CCDC191: variants seen among roughly 807,000 people sequenced by gnomAD.
CCDC191 encodes coiled-coil domain-containing protein 191.
Under a neutral mutation model 114.0 loss-of-function variants are expected in CCDC191, and 99 were observed. The observed-to-expected ratio is 0.87, with a 90% CI of 0.74 to 1.03. The LOEUF is 1.03. Among genes scored for constraint, CCDC191 ranks in the 50% least tolerant of loss-of-function variants. The probability of loss-of-function intolerance (pLI) is 0.00; values close to 1 mark genes in which losing one functional copy is unlikely to be tolerated. For synonymous variants in CCDC191, 351 were observed against 376.0 expected (o/e 0.93, Z 0.77); for missense variants, 973 against 1,087.0 (o/e 0.90, Z 1.47).
intron 6 of CCDC191, among the ~76,000 whole-genome samples, chr3:114,034,374 T>C (rs913009882): frequency 1.1e-4 from 16 of 152,206 alleles, no homozygotes; most frequent in African/African-American, 3.9e-4. Flanking sequence ...GGCCTGCTGC[T>C]GATGATACAG....
At position 114,005,712 on chromosome 3, in the gene CCDC191, C is replaced by CG; in HGVS notation, c.1663dup (p.Arg555ProfsTer10). The CG allele has an allele frequency of 6.2e-7, 1 of 1,614,038 alleles. No individual in the cohort carries two copies. Among genetic ancestry groups the CG allele is most frequent in the Non-Finnish European group, 8.5e-7 (1 of 1,179,968 alleles). ...AATCAGCTGTTGCTGGAAGACATGG[C>CG]GGTTGTGGAAATGACCCAAGCAAAG... On this transcript the variant is annotated frameshift_variant, in exon 10 of 17. Transcript: ENST00000295878. LOFTEE classifies it high-confidence loss of function.
intron 1 of CCDC191, among the ~76,000 whole-genome samples, chr3:114,056,153 C>A (rs982194413): frequency 6.6e-6 from 1 of 152,142 alleles, no homozygotes; most frequent in African/African-American, 2.4e-5. Flanking sequence ...AAAAGCGTTA[C>A]AAACAGTTCT....
Position 114,042,711 on chromosome 3 carries a change from T to C in CCDC191, c.407A>G (p.Lys136Arg), listed in dbSNP as rs202171733. ...ATCAGGTAAGTTCTTACCATCAAAC[T>C]TGTCATATTTCAAATGGCCATTGGC... Reference protein sequence around the residue: ...PEANGHLKYDKFDDLCGYLEE... With the variant: ...PEANGHLKYDRFDDLCGYLEE... Residue 136 changes from lysine (K) to arginine (R), a missense_variant, in exon 4 of 17, where the codon AAG becomes AGG. By Grantham distance (26) the Lys-to-Arg change is conservative (BLOSUM62 2). Coordinates refer to ENST00000295878, the MANE Select transcript of CCDC191 (RefSeq NM_020817.2). 9.8e-5 allele frequency: 154 copies of C among 1,578,046 alleles called. No individual in the cohort carries two copies. The highest frequency in any genetic ancestry group is 1.4e-4 in the Admixed American group (7 of 51,652).
chr3:114,056,305 C>T (rs1376145828), intron 1 of CCDC191, 72 bp downstream of exon 1: 7 of 1,458,488 alleles, frequency 4.8e-6, no homozygotes, highest in Non-Finnish European at 6.7e-6. Flanking sequence ...CACAGACGGG[C>T]CGCGACTGGC....
chr3:114,041,881 C>T (rs1253580705), intron 4 of CCDC191, among the ~76,000 whole-genome samples: 3 of 151,684 alleles, frequency 2.0e-5, no homozygotes, highest in Non-Finnish European at 1.5e-5. Flanking sequence ...GCTCTGTGCA[C>T]AGTAGTGGTT....
chr3:114,044,624 G>A lies in CCDC191; in HGVS notation c.272-1778C>T, dbSNP rs116252764. On this transcript the variant is annotated intron_variant, in intron 3 of 16. Coordinates refer to ENST00000295878, the MANE Select transcript of CCDC191 (RefSeq NM_020817.2). ...AAGCATACTAGCAACAAATGCCATT[G>A]GCTTTCAGGGGAAGGTAGAGAAAGG... Among the ~76,000 whole-genome samples the A allele has an allele frequency of 7.7e-3, 1,175 of 152,350 alleles. 5 individuals are homozygous for A. The highest frequency in any genetic ancestry group is 0.012 in the Non-Finnish European group (785 of 68,034).
intron 13 of CCDC191, among the ~76,000 whole-genome samples, chr3:113,986,860 G>T (rs2075378513): frequency 6.6e-6 from 1 of 152,092 alleles, no homozygotes; most frequent in Non-Finnish European, 1.5e-5. Context: ...ACTGTATGAG[G>T]ACACAGTGAG....
intron 2 of CCDC191, among the ~76,000 whole-genome samples, chr3:114,051,777 G>T (rs553108132): frequency 3.3e-5 from 5 of 152,040 alleles, no homozygotes; most frequent in Non-Finnish European, 7.4e-5. Context: ...TGAAGTCTTC[G>T]GTCCAGAGGT....
chr3:114,003,529 A>G, intron 11 of CCDC191: 1 of 985,374 alleles, frequency 1.0e-6, no homozygotes, highest in Non-Finnish European at 1.2e-6. Flanking sequence ...CTCTGGTAAT[A>G]TGCCCTTTGC....
At chr3:114,023,261 G>A (rs1337993816) in intron 7 of CCDC191, among the ~76,000 whole-genome samples, 9 of 152,148 alleles carry the variant, frequency 5.9e-5, no homozygotes, top group South Asian at 2.1e-4. Flanking sequence ...AATCAATATC[G>A]TGAAAATGGC....
intron 4 of CCDC191, 22 bp downstream of exon 4, chr3:114,042,681 G>T: frequency 1.3e-6 from 2 of 1,519,074 alleles, no homozygotes; most frequent in South Asian, 2.7e-5. Flanking sequence ...TTAAAACTTA[G>T]AACAATCAGG....
intron 7 of CCDC191, among the ~76,000 whole-genome samples, chr3:114,023,375 CA>C (rs1290287833): frequency 2.6e-5 from 4 of 152,034 alleles, no homozygotes; most frequent in Admixed American, 2.0e-4. Context: ...CATATGGAAC[CA>C]AAAAAGAGCC....
In CCDC191 at chr3:113,985,351, A is replaced by G. The variant is rs566819592; in HGVS notation, c.2164-4558T>C. ...TTAGCACTGCATCTGAGGGAAGGGG[A>G]TTCAGGGGATTCTGCCCAGACAAGT... is the stretch of plus-strand genomic sequence containing the variant. On this transcript the variant is annotated intron_variant, in intron 13 of 16. Coordinates refer to ENST00000295878, the MANE Select transcript of CCDC191 (RefSeq NM_020817.2). Among the ~76,000 whole-genome samples the G allele has an allele frequency of 6.6e-5, 10 of 152,258 alleles. No individual in the cohort carries two copies. The South Asian group carries it at 1.9e-3, about 28-fold the overall frequency.
At chr3:114,025,273 AC>A (rs1191965855) in intron 7 of CCDC191, among the ~76,000 whole-genome samples, 7 of 151,438 alleles carry the variant, frequency 4.6e-5, no homozygotes, top group Admixed American at 3.3e-4. Flanking sequence ...AAAAAAAAAA[AC>A]AAAACCCAAA....
intron 13 of CCDC191, among the ~76,000 whole-genome samples, chr3:113,987,609 C>T (rs72956606): frequency 0.032 from 4,850 of 152,258 alleles, 240 homozygotes; most frequent in African/African-American, 0.11. Flanking sequence ...ATGTTACCCA[C>T]GCTTGTCTCA....
chr3:113,995,967 T>C (rs988243929), intron 13 of CCDC191, among the ~76,000 whole-genome samples: 1 of 44,916 alleles, frequency 2.2e-5, no homozygotes, highest in African/African-American at 9.4e-5. Context: ...CACTTTTTGA[T>C]GGGACTGTTT....
chr3:114,046,655 C>A lies in CCDC191; in HGVS notation c.207G>T (p.Trp69Cys). ...TRNSDLPRSPWGQITDLKTSE... is the reference protein window; with the variant it reads ...TRNSDLPRSPCGQITDLKTSE... ...ATGTTTTCAAATCTGTGATTTGGCC[C>A]CAGGGACTTCTAGGTAAATCTGAAT... The change falls in exon 3 of 17, where the codon TGG (tryptophan) becomes TGT (cysteine). Residue 69 changes from tryptophan to cysteine, a missense_variant. Trp to Cys is a radical substitution (Grantham distance 215). Coordinates refer to ENST00000295878, the MANE Select transcript of CCDC191 (RefSeq NM_020817.2). 6.2e-7 allele frequency: 1 copy of A among 1,612,582 alleles called. No individual in the cohort carries two copies. The highest frequency in any genetic ancestry group is 8.5e-7 in the Non-Finnish European group (1 of 1,178,808).
At chr3:113,979,327 T>G (rs1168270597) in intron 14 of CCDC191, among the ~76,000 whole-genome samples, 1 of 152,198 alleles carries the variant, frequency 6.6e-6, no homozygotes, top group Non-Finnish European at 1.5e-5. Context: ...CTGGCAACAT[T>G]CTCAATTTGC....
At chr3:113,976,345 A>G in intron 16 of CCDC191, among the ~76,000 whole-genome samples, 1 of 152,078 alleles carries the variant, frequency 6.6e-6, no homozygotes, top group Non-Finnish European at 1.5e-5. Context: ...AGACTGATGT[A>G]GCAAGAAGAG....
Sources: gnomAD v4.1 joint callset for allele counts (sites outside exome capture counted in the v4.1 genomes callset) on GRCh38, gnomAD v4.1.1 for gene constraint, MANE v1.5 for transcripts, NCBI Gene and HGNC (gene_info 2026-07-23, HGNC 2026-07-21) for gene names.